BCL2L12: variants seen among roughly 807,000 people sequenced by gnomAD.
The protein encoded by BCL2L12 is BCL2 like 12, also known as bcl-2-like protein 12.
A neutral mutation model predicts 25.7 loss-of-function variants in BCL2L12; 27 were observed. That is an observed-to-expected ratio of 1.05 (90% CI 0.78 to 1.45). The LOEUF (loss-of-function observed/expected upper bound fraction) is 1.45, where lower values mean the gene tolerates loss of function less well. Among genes scored for constraint, BCL2L12 ranks in the 40% most tolerant of loss-of-function variants. The pLI, the probability that BCL2L12 is intolerant of heterozygous loss-of-function variation, is 0.00. For synonymous variants in BCL2L12, 132 were observed against 145.6 expected (o/e 0.91, Z 0.67); for missense variants, 302 against 329.8 (o/e 0.92, Z 0.65).
chr19:49,667,108 A>T lies in BCL2L12; in HGVS notation c.197A>T (p.Glu66Val). 1.2e-6 allele frequency: 2 copies of T among 1,614,052 alleles called. No individual in the cohort carries two copies. The highest frequency in any genetic ancestry group is 1.7e-6 in the Non-Finnish European group (2 of 1,180,012). ...CTGGGGCGAGGAGCAGCCCCCTCTG[A>T]GTCCCCTCGGCCTTGCTCTCTGCCC... The part of the protein sequence containing the change: ...CSLGRGAAPS[E>V]SPRPCSLPIR... The change falls in exon 3 of 7, where the codon GAG becomes GTG. Residue 66 changes from glutamate (E) to valine (V), a missense_variant. Coordinates refer to ENST00000246784, the MANE Select transcript of BCL2L12 (RefSeq NM_138639.2).
chr19:49,665,849 C>T, upstream of BCL2L12: 1 of 1,604,006 alleles, frequency 6.2e-7, no homozygotes, highest in Non-Finnish European at 8.5e-7. Flanking sequence ...GGGCTGTTCC[C>T]GCCCCTATGC....
In BCL2L12 at chr19:49,672,410, C is replaced by T. The variant is rs1014834920; in HGVS notation, c.703-1288C>T. Among the ~76,000 whole-genome samples, 5 of 152,330 alleles carry T rather than the reference C, an allele frequency of 3.3e-5. 1 individual carries two copies. Among genetic ancestry groups the T allele is most frequent in the East Asian group, 1.9e-4 (1 of 5,182 alleles). ...GAGAGGCGCCGGGCCAGCCAGGACCCTGTGGTCACGGTGAGTGACAACTCG... is the reference window on the plus strand; with the variant it reads ...GAGAGGCGCCGGGCCAGCCAGGACCTTGTGGTCACGGTGAGTGACAACTCG... On this transcript the variant is annotated intron_variant, in intron 6 of 6. Coordinates refer to ENST00000246784, the MANE Select transcript of BCL2L12 (RefSeq NM_138639.2). The surrounding 1 kb of genome is among the most constrained non-coding windows in gnomAD (Gnocchi z 4.1).
Position 49,668,847 on chromosome 19 carries a change from C to T in BCL2L12, c.251-4C>T, listed in dbSNP as rs1568477090. ...AAACCTGTCATTAACTCTTTTCACC[C>T]CAGGCCCAGCTACTCCAGACTTCTA... On this transcript the variant is annotated splice_region_variant and splice_polypyrimidine_tract_variant and intron_variant, in intron 3 of 6. Transcript: ENST00000246784. 1 of 1,611,970 alleles carries T rather than the reference C, an allele frequency of 6.2e-7. No individual in the cohort carries two copies.
chr19:49,668,838 CTT>C lies in BCL2L12; in HGVS notation c.251-10_251-9del, dbSNP rs771066718. On this transcript the variant is annotated splice_polypyrimidine_tract_variant and intron_variant, in intron 3 of 6. Transcript: ENST00000246784. The stretch of plus-strand genomic sequence containing the variant: ...ATGTCCTGGAAACCTGTCATTAACT[CTT>C]TTCACCCCAGGCCCAGCTACTCCAG... 1.2e-6 allele frequency: 2 copies of C among 1,610,390 alleles called. No individual in the cohort carries two copies. Among genetic ancestry groups the C allele is most frequent in the Non-Finnish European group, 1.7e-6 (2 of 1,178,268 alleles).
At position 49,672,044 on chromosome 19, in the gene BCL2L12, C is replaced by CT. The variant is rs1470986795; in HGVS notation, c.702+1557dup. ...TTTTCTTTGTTGGTGTCTCCCACCTCTAACACATCAGCTTCAGGAGACCCA... is the reference window on the plus strand; with the variant it reads ...TTTTCTTTGTTGGTGTCTCCCACCTCTTAACACATCAGCTTCAGGAGACCCA... On this transcript the variant is annotated intron_variant, in intron 6 of 6. Coordinates refer to ENST00000246784, the MANE Select transcript of BCL2L12 (RefSeq NM_138639.2). This position sits in a 1 kb window ranked among gnomAD's most constrained non-coding sequence, Gnocchi z 4.1. 6.6e-6 allele frequency: 1 copy of CT among 152,426 alleles called. No individual in the cohort carries two copies. The highest frequency in any genetic ancestry group is 1.5e-5 in the Non-Finnish European group (1 of 68,078). 9.4% of individuals were successfully genotyped at this position (152,426 alleles called of 1,614,324 possible). A position where few individuals can be genotyped will look rare whatever the true frequency, so the allele number is the denominator to read the frequency against.
At chr19:49,670,014 G>A (rs1202475418) in intron 5 of BCL2L12, among the ~76,000 whole-genome samples, 1 of 152,172 alleles carries the variant, frequency 6.6e-6, no homozygotes, top group African/African-American at 2.4e-5. Flanking sequence ...GCATGGCTTA[G>A]GGACTCACGT....
chr19:49,667,291 C>CCTG, intron 3 of BCL2L12, 130 bp downstream of exon 3: 2 of 1,266,466 alleles, frequency 1.6e-6, no homozygotes, highest in South Asian at 1.5e-5. Flanking sequence ...CCGTCCTGTC[C>CCTG]TCTCCCCTCC....
chr19:49,671,398 A>G (rs947113542), intron 6 of BCL2L12, among the ~76,000 whole-genome samples: 6 of 152,178 alleles, frequency 3.9e-5, no homozygotes, highest in African/African-American at 1.4e-4. Flanking sequence ...GTGAGCCGAG[A>G]TTGCACCACT....
chr19:49,668,252 T>G (rs1318743550), intron 3 of BCL2L12, among the ~76,000 whole-genome samples: 1 of 151,918 alleles, frequency 6.6e-6, no homozygotes, highest in Non-Finnish European at 1.5e-5. Flanking sequence ...TGCGCCACCA[T>G]GCCCGGCTAA....
chr19:49,669,221 A>G (rs943294451), intron 5 of BCL2L12, 106 bp downstream of exon 5: 1 of 1,515,856 alleles, frequency 6.6e-7, no homozygotes, highest in Non-Finnish European at 8.9e-7. Context: ...TCAGGTGGAA[A>G]GAGGCTGGGA....
At chr19:49,667,462 C>T (rs1424327005) in intron 3 of BCL2L12, among the ~76,000 whole-genome samples, 11 of 152,176 alleles carry the variant, frequency 7.2e-5, no homozygotes, top group Admixed American at 7.2e-4. Flanking sequence ...TCAATCACAT[C>T]TCCCTGGCTG....
rs1034330679 is a variant in BCL2L12 at position 49,666,096 on chromosome 19, TGAGGAGGGAA to T, written c.-9+38_-9+47del. 3.0e-5 allele frequency: 45 copies of T among 1,524,794 alleles called. No individual in the cohort carries two copies. In the African/African-American group the frequency reaches 4.9e-4, roughly 17 times the overall value. 94.5% of individuals were successfully genotyped at this position (1,524,794 alleles called of 1,614,324 possible). Reference sequence around the variant, plus strand: ...AGCGGGGTGTTGACGAGGGGTGGGGTGAGGAGGGAAGAGGAGGGGGCCGGGATCCAGTGGT... The same window carrying T: ...AGCGGGGTGTTGACGAGGGGTGGGGTGAGGAGGGGGCCGGGATCCAGTGGT... On this transcript the variant is annotated intron_variant, in intron 1 of 6. Coordinates refer to ENST00000246784, the MANE Select transcript of BCL2L12 (RefSeq NM_138639.2).
Position 49,670,437 on chromosome 19 carries a change from C to G in BCL2L12, c.651C>G (p.Ser217Arg). 2.0e-6 allele frequency: 3 copies of G among 1,537,956 alleles called. No homozygotes were observed. The highest frequency in any genetic ancestry group is 2.6e-6 in the Non-Finnish European group (3 of 1,145,702). ...TGGGGGGCACCCTGGCCGGACTCAGCGTGGAGCACGTGCACAGCTTCACGC... is the reference window on the plus strand; with the variant it reads ...TGGGGGGCACCCTGGCCGGACTCAGGGTGGAGCACGTGCACAGCTTCACGC... Reference protein sequence around the residue: ...AGLGGTLAGLSVEHVHSFTPW... With the variant: ...AGLGGTLAGLRVEHVHSFTPW... Residue 217 changes from serine to arginine, a missense_variant, in exon 6 of 7, where the codon AGC becomes AGG. Transcript: ENST00000246784.
In BCL2L12 at chr19:49,673,910, CA is replaced by C; in HGVS notation, c.*165del. The C allele has an allele frequency of 1.4e-6, 1 of 716,184 alleles. No individual in the cohort carries two copies. The highest frequency in any genetic ancestry group is 2.8e-5 in the East Asian group (1 of 35,564). The allele number at this position is 716,184 out of a possible 1,614,324, so 44.4% of individuals were successfully genotyped here. On this transcript the variant is annotated 3_prime_UTR_variant, in exon 7 of 7. Transcript: ENST00000246784. The stretch of plus-strand genomic sequence containing the variant: ...AAAACTTTTCTTATTAAAAACGTTA[CA>C]AAGTATTCAATTGTCTGTTCTTACA...
intron 3 of BCL2L12, among the ~76,000 whole-genome samples, chr19:49,668,297 C>T (rs2081869762): frequency 6.6e-6 from 1 of 151,666 alleles, no homozygotes; most frequent in Non-Finnish European, 1.5e-5. Context: ...TGGGGTTTCT[C>T]CATGTTGGTC....
chr19:49,669,522 T>G (rs2081906572), intron 5 of BCL2L12, among the ~76,000 whole-genome samples: 4 of 140,518 alleles, frequency 2.8e-5, no homozygotes, highest in South Asian at 2.2e-4. Context: ...GGTGACAGAG[T>G]GAGACTCTGT....
Position 49,667,010 on chromosome 19 carries a change from C to T in BCL2L12, c.108-9C>T, listed in dbSNP as rs953963361. On this transcript the variant is annotated splice_polypyrimidine_tract_variant and intron_variant, in intron 2 of 6. Coordinates refer to ENST00000246784, the MANE Select transcript of BCL2L12 (RefSeq NM_138639.2). ...TGGTGGGGTCAGTCTCTGAAGTCCT[C>T]CTCTCCAGAAGCCCTGCCCAAGAAG... 9 of 1,613,074 alleles carry T rather than the reference C, an allele frequency of 5.6e-6. No homozygotes were observed. In the Admixed American group the frequency reaches 8.4e-5, roughly 15 times the overall value.
At chr19:49,665,203 G>C (rs903887571), upstream of BCL2L12, 1 of 244,628 alleles carries the variant, frequency 4.1e-6, no homozygotes, top group Non-Finnish European at 8.1e-6. Context: ...GTGCAGAATC[G>C]ATTCACGTGT....
At chr19:49,669,272 A>G in intron 5 of BCL2L12, 157 bp downstream of exon 5, 1 of 1,407,018 alleles carries the variant, frequency 7.1e-7, no homozygotes, top group East Asian at 2.5e-5. Flanking sequence ...GTGGTGGCTC[A>G]CGCCTGTAAT....
Sources: gnomAD v4.1 joint callset for allele counts (sites outside exome capture counted in the v4.1 genomes callset) on GRCh38, gnomAD v4.1.1 for gene constraint, Gnocchi (gnomAD v3.1) non-coding constraint, MANE v1.5 for transcripts, NCBI Gene and HGNC (gene_info 2026-07-23, HGNC 2026-07-21) for gene names.